TPH2: variants seen among roughly 807,000 people sequenced by gnomAD.
The protein encoded by TPH2 is tryptophan 5-hydroxylase 2.
In TPH2, 27 loss-of-function variants were observed where a neutral mutation model predicts 59.1. That is an observed-to-expected ratio of 0.46 (90% CI 0.34 to 0.63). TPH2 has a LOEUF of 0.63. Ranked by LOEUF, TPH2 falls within the 30% of genes least tolerant of loss-of-function variation. The pLI is 0.01. For synonymous variants in TPH2, 220 were observed against 210.5 expected (o/e 1.05, Z -0.39); for missense variants, 523 against 588.3 (o/e 0.89, Z 1.15).
chr12:71,980,502 A>ATT, intron 7 of TPH2, among the ~76,000 whole-genome samples: 1 of 147,248 alleles, frequency 6.8e-6, no homozygotes, highest in East Asian at 2.0e-4. Context: ...AGGTCACTAC[A>ATT]TTTTTTTTTT....
At position 71,972,731 on chromosome 12, in the gene TPH2, G is replaced by T; in HGVS notation, c.805+16G>T. On this transcript the variant is annotated intron_variant, in intron 6 of 10. Transcript: ENST00000333850. The stretch of plus-strand genomic sequence containing the variant: ...TTTCTGAAAGGTAAGATTTCACACA[G>T]GCTGTCTCTTATTAGTCAATATCCT... 1 of 1,611,842 alleles carries T rather than the reference G, an allele frequency of 6.2e-7. No individual in the cohort carries two copies. Among genetic ancestry groups the T allele is most frequent in the Non-Finnish European group, 8.5e-7 (1 of 1,179,358 alleles).
rs887763813 is a variant in TPH2, at chr12:71,993,863, T to C, written c.942-576T>C. 2.6e-5 allele frequency among the ~76,000 whole-genome samples: 4 copies of C among 152,340 alleles called. No individual in the cohort carries two copies. The South Asian group carries it at 8.3e-4, about 32-fold the overall frequency. Reference sequence around the variant, plus strand: ...TTCCAATTTTGTCTTCCTCACTATCTATAGCAAGAAACAGCAATTTTTTTC... The same window carrying C: ...TTCCAATTTTGTCTTCCTCACTATCCATAGCAAGAAACAGCAATTTTTTTC... On this transcript the variant is annotated intron_variant, in intron 7 of 10. Transcript: ENST00000333850.
intron 6 of TPH2, among the ~76,000 whole-genome samples, chr12:71,973,491 T>C (rs1872031254): frequency 6.6e-6 from 1 of 152,144 alleles, no homozygotes; most frequent in Non-Finnish European, 1.5e-5. Context: ...TTACCCTATA[T>C]AGCCTAAAAA....
chr12:71,978,229 G>C (rs1212002217), intron 6 of TPH2, among the ~76,000 whole-genome samples: 2 of 149,268 alleles, frequency 1.3e-5, no homozygotes, highest in African/African-American at 5.0e-5. Flanking sequence ...AAAAAAAAAA[G>C]AATAGTCCTT....
chr12:71,963,443 CATAT>C (rs1231614620), intron 5 of TPH2, among the ~76,000 whole-genome samples: 1 of 34,558 alleles, frequency 2.9e-5, no homozygotes, highest in Admixed American at 3.0e-4. Flanking sequence ...TATATACATA[CATAT>C]ATATATATAT....
intron 8 of TPH2, among the ~76,000 whole-genome samples, chr12:72,018,653 G>A (rs528462867): frequency 3.7e-4 from 56 of 152,188 alleles, no homozygotes; most frequent in African/African-American, 1.3e-3. Context: ...TTTTTTCCAC[G>A]AGCTCTTCTA....
chr12:71,991,077 G>A (rs1390455440), intron 7 of TPH2, among the ~76,000 whole-genome samples: 2 of 152,132 alleles, frequency 1.3e-5, no homozygotes, highest in African/African-American at 2.4e-5. Context: ...AGGTTCTTAA[G>A]TTGGCTAGTG....
chr12:71,958,366 C>G (rs1871573091), intron 5 of TPH2, among the ~76,000 whole-genome samples: 1 of 152,176 alleles, frequency 6.6e-6, no homozygotes, highest in African/African-American at 2.4e-5. Context: ...TCAGCAACTT[C>G]CACTTGACAT....
At chr12:71,962,758 A>T (rs1336260053) in intron 5 of TPH2, 1 of 911,132 alleles carries the variant, frequency 1.1e-6, no homozygotes, top group Non-Finnish European at 1.3e-6. Flanking sequence ...AGTATCTGTC[A>T]TCCAAGCTGA....
intron 8 of TPH2, among the ~76,000 whole-genome samples, chr12:72,013,298 T>A (rs1246788088): frequency 6.6e-6 from 1 of 152,210 alleles, no homozygotes; most frequent in Admixed American, 6.5e-5. Context: ...ATCCCAACTC[T>A]TCTCTTTTCT....
chr12:72,003,594 T>C (rs1272427627), intron 8 of TPH2, among the ~76,000 whole-genome samples: 3 of 152,198 alleles, frequency 2.0e-5, no homozygotes, highest in African/African-American at 7.2e-5. Flanking sequence ...GGCTACACTT[T>C]CTGCTGACTA....
At chr12:72,030,256 C>T (rs758281181) in intron 9 of TPH2, among the ~76,000 whole-genome samples, 28 of 152,144 alleles carry the variant, frequency 1.8e-4, no homozygotes, top group Non-Finnish European at 2.8e-4. Context: ...ATATAGTTCA[C>T]AACCACTTAT....
chr12:72,031,137 A>AC, intron 9 of TPH2, 121 bp from the exon 10 acceptor site: 1 of 1,297,614 alleles, frequency 7.7e-7, no homozygotes, highest in Admixed American at 1.7e-5. Context: ...TTCATGACAG[A>AC]CTAGTAACTG....
chr12:71,941,444 G>A (rs1871063064), intron 1 of TPH2, 140 bp from the exon 2 acceptor site: 1 of 1,016,850 alleles, frequency 9.8e-7, no homozygotes, highest in Admixed American at 2.4e-5. Flanking sequence ...AGTTATGAGT[G>A]ACACGGCAAC....
chr12:72,024,017 T>G (rs945863255), intron 9 of TPH2, among the ~76,000 whole-genome samples: 1 of 152,106 alleles, frequency 6.6e-6, no homozygotes, highest in East Asian at 1.9e-4. Flanking sequence ...AGTTAATAAG[T>G]GTTGATCTGG....
At chr12:71,975,157 G>A (rs930258844) in intron 6 of TPH2, among the ~76,000 whole-genome samples, 2 of 152,140 alleles carry the variant, frequency 1.3e-5, no homozygotes, top group African/African-American at 4.8e-5. Flanking sequence ...GACCAGCCTG[G>A]CCAACATGGT....
chr12:71,958,155 T>G (rs1308253816), intron 5 of TPH2, among the ~76,000 whole-genome samples: 1 of 152,210 alleles, frequency 6.6e-6, no homozygotes, highest in Admixed American at 6.5e-5. Flanking sequence ...CAGGTATAGA[T>G]GCTTAAAATT....
At chr12:71,940,195 A>G (rs1871018255) in intron 1 of TPH2, among the ~76,000 whole-genome samples, 1 of 152,084 alleles carries the variant, frequency 6.6e-6, no homozygotes, top group Admixed American at 6.5e-5. Flanking sequence ...TTAATGTATG[A>G]CCCTTTTATA....
chr12:72,004,530 C>T (rs1872902956), intron 8 of TPH2, among the ~76,000 whole-genome samples: 1 of 152,152 alleles, frequency 6.6e-6, no homozygotes, highest in Non-Finnish European at 1.5e-5. Context: ...ATATTGCGGA[C>T]TTCTTACTTT....
Sources: allele counts gnomAD v4.1 joint callset (sites outside exome capture counted in the v4.1 genomes callset), GRCh38; gene constraint gnomAD v4.1.1; transcripts MANE v1.5; gene names NCBI Gene and HGNC (gene_info 2026-07-23, HGNC 2026-07-21).